MYT1L: variants seen among roughly 807,000 people sequenced by gnomAD.
MYT1L encodes the protein myelin transcription factor 1 like, also known as myelin transcription factor 1-like protein.
A neutral mutation model predicts 126.7 loss-of-function variants in MYT1L; 12 were observed. The ratio of observed to expected loss-of-function variants is 0.09; its 90% CI spans 0.06 to 0.15. MYT1L has a LOEUF of 0.15. Ranked by LOEUF, MYT1L falls within the 10% of genes least tolerant of loss-of-function variation. MYT1L has a pLI of 1.00. For missense variants in MYT1L, 979 were observed against 1,585.2 expected, an observed-to-expected ratio of 0.62 and a Z score of 6.49; for synonymous variants, 541 against 604.2, an observed-to-expected ratio of 0.90 and a Z score of 1.53.
intron 2 of MYT1L, among the ~76,000 whole-genome samples, chr2:2,211,414 TA>T (rs976570212): frequency 8.5e-5 from 13 of 152,118 alleles, no homozygotes; most frequent in Admixed American, 8.5e-4. Flanking sequence ...TCGTTTTTTT[TA>T]AAAAAATTCT....
intron 1 of MYT1L, among the ~76,000 whole-genome samples, chr2:2,313,426 C>T (rs1373854552): frequency 2.6e-5 from 4 of 151,900 alleles, no homozygotes; most frequent in Admixed American, 1.3e-4. Flanking sequence ...AGAGATAATG[C>T]CTGGTTAATT....
chr2:2,152,670 G>A (rs2086004860), intron 3 of MYT1L, among the ~76,000 whole-genome samples: 1 of 152,192 alleles, frequency 6.6e-6, no homozygotes, highest in South Asian at 2.1e-4. Context: ...GTGTCAAGCT[G>A]CAGCAGAGAG....
chr2:1,888,286 AC>A (rs1270081098), intron 16 of MYT1L, among the ~76,000 whole-genome samples: 1 of 152,182 alleles, frequency 6.6e-6, no homozygotes, highest in Non-Finnish European at 1.5e-5. Context: ...TGGAGATTCA[AC>A]CACCATGCCT....
At chr2:2,029,046 G>GT (rs2065936471) in intron 4 of MYT1L, among the ~76,000 whole-genome samples, 1 of 152,132 alleles carries the variant, frequency 6.6e-6, no homozygotes, top group South Asian at 2.1e-4. Context: ...TTAAACTCAA[G>GT]TATTACAGAA....
chr2:2,324,253 G>C (rs977247919), intron 1 of MYT1L: 1 of 152,148 alleles, frequency 6.6e-6, no homozygotes, highest in Non-Finnish European at 1.5e-5. Context: ...AGCCGCACTT[G>C]GCACCTTCGG....
At chr2:2,330,333 A>G (rs1448811981) in intron 1 of MYT1L, among the ~76,000 whole-genome samples, 1 of 152,154 alleles carries the variant, frequency 6.6e-6, no homozygotes, top group Non-Finnish European at 1.5e-5. Context: ...TAACTTTCAT[A>G]TAAATATTTA....
chr2:2,272,530 G>A (rs1219871592), intron 2 of MYT1L, among the ~76,000 whole-genome samples: 3 of 152,170 alleles, frequency 2.0e-5, no homozygotes, highest in African/African-American at 4.8e-5. Context: ...GGCCTCTCAG[G>A]GGAATACACT....
chr2:2,187,233 C>A (rs2092276802), intron 2 of MYT1L, among the ~76,000 whole-genome samples: 1 of 152,038 alleles, frequency 6.6e-6, no homozygotes, highest in Non-Finnish European at 1.5e-5. Context: ...CAGCTCTGTC[C>A]GTTCCCTCTG....
At chr2:2,204,686 C>T (rs984945286) in intron 2 of MYT1L, among the ~76,000 whole-genome samples, 4 of 151,406 alleles carry the variant, frequency 2.6e-5, no homozygotes, top group South Asian at 2.1e-4. Context: ...AGTTCAACCA[C>T]TGTGGAAGTC....
At chr2:2,117,129 C>T (rs1351915709) in intron 3 of MYT1L, among the ~76,000 whole-genome samples, 1 of 152,210 alleles carries the variant, frequency 6.6e-6, no homozygotes, top group Non-Finnish European at 1.5e-5. Flanking sequence ...CCCCTGCCTT[C>T]AGTAAGCCCT....
At chr2:1,901,902 C>A (rs956273929) in intron 14 of MYT1L, among the ~76,000 whole-genome samples, 1 of 152,152 alleles carries the variant, frequency 6.6e-6, no homozygotes, top group Non-Finnish European at 1.5e-5. Flanking sequence ...CCAAGTGATC[C>A]GCCTGCCTCA....
intron 3 of MYT1L, among the ~76,000 whole-genome samples, chr2:2,095,427 C>T (rs2150417198): frequency 6.6e-6 from 1 of 152,290 alleles, no homozygotes; most frequent in Non-Finnish European, 1.5e-5. Flanking sequence ...GCCCTGAATA[C>T]ACAAGGACTG....
chr2:1,949,777 C>T (rs542056485), intron 8 of MYT1L, among the ~76,000 whole-genome samples: 1 of 152,146 alleles, frequency 6.6e-6, no homozygotes, highest in Non-Finnish European at 1.5e-5. Flanking sequence ...GTGGGCCTCT[C>T]CCACCAGAGA....
intron 8 of MYT1L, among the ~76,000 whole-genome samples, chr2:1,954,259 G>A (rs183917243): frequency 1.4e-4 from 22 of 152,244 alleles, no homozygotes; most frequent in African/African-American, 4.8e-4. Flanking sequence ...TACGGCAAAC[G>A]CGAGGCTGCG....
intron 2 of MYT1L, among the ~76,000 whole-genome samples, chr2:2,246,405 G>C (rs2094536753): frequency 6.6e-6 from 1 of 152,180 alleles, no homozygotes. Flanking sequence ...TGGGGAGACA[G>C]TGTGGCTGAA....
At chr2:2,225,275 G>A (rs1300445975) in intron 2 of MYT1L, among the ~76,000 whole-genome samples, 2 of 152,102 alleles carry the variant, frequency 1.3e-5, no homozygotes, top group South Asian at 2.1e-4. Context: ...AAATTCAGGG[G>A]TTACCAACCA....
At chr2:2,091,537 G>A (rs1288103572) in intron 3 of MYT1L, among the ~76,000 whole-genome samples, 1 of 152,108 alleles carries the variant, frequency 6.6e-6, no homozygotes, top group African/African-American at 2.4e-5. Flanking sequence ...GAAATGATAT[G>A]TAAGCATTGG....
intron 3 of MYT1L, among the ~76,000 whole-genome samples, chr2:2,157,230 A>G (rs1295989085): frequency 6.6e-6 from 1 of 152,258 alleles, no homozygotes; most frequent in Non-Finnish European, 1.5e-5. Flanking sequence ...TAATGAAATC[A>G]TATAATCTAT....
intron 21 of MYT1L, among the ~76,000 whole-genome samples, chr2:1,817,982 C>T (rs779204846): frequency 9.9e-5 from 15 of 152,170 alleles, no homozygotes; most frequent in Non-Finnish European, 1.9e-4. Context: ...CCCGCTTGCC[C>T]CAGGCCCCAG....
Sources: gnomAD v4.1 joint callset for allele counts (sites outside exome capture counted in the v4.1 genomes callset) on GRCh38, gnomAD v4.1.1 for gene constraint, MANE v1.5 for transcripts, NCBI Gene and HGNC (gene_info 2026-07-23, HGNC 2026-07-21) for gene names.